NUP153: variants seen among roughly 807,000 people sequenced by gnomAD.
NUP153 encodes nuclear pore complex protein Nup153.
NUP153 carries 27 observed loss-of-function variants against 134.6 expected under a neutral mutation model. The ratio of observed to expected loss-of-function variants is 0.20; its 90% CI spans 0.15 to 0.28. The LOEUF (loss-of-function observed/expected upper bound fraction) is 0.28, where lower values mean the gene tolerates loss of function less well. NUP153 is among the 10% of genes least tolerant of loss of function. The pLI, the probability that NUP153 is intolerant of heterozygous loss-of-function variation, is 1.00. For missense variants in NUP153, 1,821 were observed against 1,731.3 expected, an observed-to-expected ratio of 1.05 and a Z score of -0.92; for synonymous variants, 640 against 623.5, an observed-to-expected ratio of 1.03 and a Z score of -0.40.
chr6:17,628,902 A>C lies in NUP153; in HGVS notation c.3297T>G (p.Val1099=). The C allele has an allele frequency of 1.2e-6, 2 of 1,614,220 alleles. No individual in the cohort carries two copies. The highest frequency in any genetic ancestry group is 1.7e-6 in the Non-Finnish European group (2 of 1,180,040). ...PASLPSASVF[V]LGRTEEKQQE... ...GCTGTTTCTCTTCTGTCCTTCCCAA[A>C]ACAAACACTGAGGCAGATGGCAGAG... The change falls in exon 18 of 22, where the codon GTT becomes GTG. Residue 1099 remains valine, a synonymous_variant. Transcript: ENST00000262077. The surrounding 1 kb of genome is among the most constrained non-coding windows in gnomAD (Gnocchi z 5.4).
rs1385049514 is a variant in NUP153, at chr6:17,688,447, T to C, written c.283A>G (p.Asn95Asp). Reference protein sequence around the residue: ...HLVYADEESSNITDGRITPEP... With the variant: ...HLVYADEESSDITDGRITPEP... ...GGTGTGATTCTCCCATCAGTAATAT[T>C]AGAGCTCTCCTCATCGGCATATACC... is the stretch of plus-strand genomic sequence containing the variant. Residue 95 changes from asparagine to aspartate, a missense_variant, in exon 2 of 22, where the codon AAT becomes GAT. Physicochemically the swap from Asn to Asp is conservative, Grantham distance 23 (BLOSUM62 1). Transcript: ENST00000262077. The C allele has an allele frequency of 4.3e-6, 7 of 1,614,086 alleles. No homozygotes were observed. Among genetic ancestry groups the C allele is most frequent in the South Asian group, 3.3e-5 (3 of 91,092 alleles).
intron 14 of NUP153, 33 bp downstream of exon 14, chr6:17,646,024 ATGCAATTGTT>A: frequency 1.2e-6 from 1 of 824,762 alleles, no homozygotes; most frequent in Non-Finnish European, 2.0e-6. Flanking sequence ...AATCTACTGT[ATGCAATTGTT>A]TGTATGTTAA....
chr6:17,619,134 GC>G (rs1248766767), intron 20 of NUP153, among the ~76,000 whole-genome samples: 1 of 152,130 alleles, frequency 6.6e-6, no homozygotes, highest in Non-Finnish European at 1.5e-5. Flanking sequence ...GAAGAAACAG[GC>G]CAAAGAGCAA....
intron 1 of NUP153, among the ~76,000 whole-genome samples, chr6:17,692,101 C>T (rs918018747): frequency 3.9e-5 from 6 of 152,222 alleles, no homozygotes; most frequent in African/African-American, 1.4e-4. Flanking sequence ...TTTAAATTGG[C>T]TCCACCCTCA....
Position 17,625,932 on chromosome 6 carries a change from T to C in NUP153, c.3777A>G (p.Lys1259=). The C allele has an allele frequency of 6.2e-7, 1 of 1,614,160 alleles. No homozygotes were observed. The highest frequency in any genetic ancestry group is 8.5e-7 in the Non-Finnish European group (1 of 1,180,028). Residue 1259 remains lysine, a synonymous_variant, in exon 19 of 22, where the codon AAA becomes AAG. Coordinates refer to ENST00000262077, the MANE Select transcript of NUP153 (RefSeq NM_005124.4). The surrounding 1 kb of genome is among the most constrained non-coding windows in gnomAD (Gnocchi z 4.7). ...SQSLLFSQDS[K]LATTSSTGTA... is the part of the protein sequence containing the mutation. ...TACCTGTGCTGGATGTGGTTGCTAG[T>C]TTGCTATCTTGAGAAAATAGCAAAG...
intron 1 of NUP153, among the ~76,000 whole-genome samples, chr6:17,692,776 G>C (rs1769363471): frequency 6.6e-6 from 1 of 152,164 alleles, no homozygotes; most frequent in Admixed American, 6.5e-5. Flanking sequence ...ATAATCTCCA[G>C]AGGTAGGTCC....
At chr6:17,705,554 G>C (rs918618483) in intron 1 of NUP153, among the ~76,000 whole-genome samples, 3 of 125,358 alleles carry the variant, frequency 2.4e-5, no homozygotes, top group African/African-American at 9.1e-5. Flanking sequence ...GCCAATTCCA[G>C]CCTCCAAAAT....
intron 8 of NUP153, 51 bp from the exon 9 acceptor site, chr6:17,665,436 T>C: frequency 6.8e-7 from 1 of 1,477,010 alleles, no homozygotes; most frequent in Non-Finnish European, 9.3e-7. Flanking sequence ...AAATCAATGA[T>C]TCATATCTAA....
chr6:17,625,302 C>T lies in NUP153; in HGVS notation c.3902-469G>A, dbSNP rs576955728. ...CTGTAATCTCAGCACTTTGAAAGGC[C>T]GAGGCGGGCAAATCATGAGGTCAGG... is the stretch of plus-strand genomic sequence containing the variant. On this transcript the variant is annotated intron_variant, in intron 19 of 21. Coordinates refer to ENST00000262077, the MANE Select transcript of NUP153 (RefSeq NM_005124.4). The surrounding 1 kb of genome is among the most constrained non-coding windows in gnomAD (Gnocchi z 4.7). Among the ~76,000 whole-genome samples, 2 of 152,038 alleles carry T rather than the reference C, an allele frequency of 1.3e-5. No individual in the cohort carries two copies. Among genetic ancestry groups the T allele is most frequent in the African/African-American group, 4.8e-5 (2 of 41,398 alleles).
At chr6:17,654,125 G>C (rs545213068) in intron 11 of NUP153, among the ~76,000 whole-genome samples, 7 of 152,150 alleles carry the variant, frequency 4.6e-5, no homozygotes, top group Non-Finnish European at 8.8e-5. Flanking sequence ...TTTCATGTTT[G>C]AAATTTGTCA....
At chr6:17,639,002 TG>T (rs1254346665) in intron 15 of NUP153, among the ~76,000 whole-genome samples, 1 of 152,236 alleles carries the variant, frequency 6.6e-6, no homozygotes, top group East Asian at 1.9e-4. Flanking sequence ...TGGACACATC[TG>T]GTGGGTACGT....
chr6:17,705,262 A>G (rs949371404), intron 1 of NUP153, among the ~76,000 whole-genome samples: 1 of 152,228 alleles, frequency 6.6e-6, no homozygotes, highest in Non-Finnish European at 1.5e-5. Context: ...AGTATCACTG[A>G]TAAGTGGCTT....
chr6:17,673,272 C>T lies in NUP153; in HGVS notation c.852+1633G>A, dbSNP rs141799420. On this transcript the variant is annotated intron_variant, in intron 5 of 21. Coordinates refer to ENST00000262077, the MANE Select transcript of NUP153 (RefSeq NM_005124.4). ...TAATCCCAGCTACTCAGGAGGCTGACGCAGAGAATTGCTTGAACCCAGGAG... is the reference window on the plus strand; with the variant it reads ...TAATCCCAGCTACTCAGGAGGCTGATGCAGAGAATTGCTTGAACCCAGGAG... 8.1e-3 allele frequency among the ~76,000 whole-genome samples: 1,231 copies of T among 151,994 alleles called. 11 individuals are homozygous for T. The highest frequency in any genetic ancestry group is 0.026 in the African/African-American group (1,078 of 41,464).
intron 8 of NUP153, among the ~76,000 whole-genome samples, chr6:17,666,658 C>A (rs975725552): frequency 2.0e-5 from 3 of 152,318 alleles, no homozygotes; most frequent in Middle Eastern, 3.4e-3. Flanking sequence ...TGGTAAATCA[C>A]TGTTAAGACT....
chr6:17,704,500 T>C (rs1770345769), intron 1 of NUP153, among the ~76,000 whole-genome samples: 1 of 152,182 alleles, frequency 6.6e-6, no homozygotes, highest in African/African-American at 2.4e-5. Context: ...TTAGGTTAAA[T>C]GGCCAGGCTT....
intron 18 of NUP153, among the ~76,000 whole-genome samples, chr6:17,627,226 T>A (rs1407647087): frequency 6.6e-6 from 1 of 152,194 alleles, no homozygotes; most frequent in Non-Finnish European, 1.5e-5. Context: ...AGCCTGGTGT[T>A]TTCATCATCA....
intron 11 of NUP153, 84 bp from the exon 12 acceptor site, chr6:17,649,384 G>C: frequency 7.9e-7 from 1 of 1,272,946 alleles, no homozygotes; most frequent in Non-Finnish European, 1.1e-6. Flanking sequence ...AAAGTATACA[G>C]GAAGAAGATG....
chr6:17,654,098 GCA>G (rs1203493604), intron 11 of NUP153, among the ~76,000 whole-genome samples: 1 of 152,172 alleles, frequency 6.6e-6, no homozygotes, highest in Non-Finnish European at 1.5e-5. Context: ...TGTATACGCT[GCA>G]CAGTTCTTTC....
At chr6:17,667,628 T>C (rs1359280339) in intron 8 of NUP153, among the ~76,000 whole-genome samples, 1 of 152,088 alleles carries the variant, frequency 6.6e-6, no homozygotes, top group African/African-American at 2.4e-5. Context: ...GCAGGAGAAT[T>C]GCTTGAGCCC....
Sources: gnomAD v4.1 joint callset for allele counts (sites outside exome capture counted in the v4.1 genomes callset) on GRCh38, gnomAD v4.1.1 for gene constraint, Gnocchi (gnomAD v3.1) non-coding constraint, MANE v1.5 for transcripts, NCBI Gene and HGNC (gene_info 2026-07-23, HGNC 2026-07-21) for gene names.